SUMF1: variants seen among roughly 807,000 people sequenced by gnomAD.
The protein encoded by SUMF1 is sulfatase modifying factor 1, also known as formylglycine-generating enzyme.
Under a neutral mutation model 47.6 loss-of-function variants are expected in SUMF1, and 48 were observed. The ratio of observed to expected loss-of-function variants is 1.01; its 90% CI spans 0.80 to 1.28. The LOEUF is 1.28. Ranked by LOEUF, SUMF1 falls within the 50% of genes most tolerant of loss-of-function variation. The pLI, the probability that SUMF1 is intolerant of heterozygous loss-of-function variation, is 0.00. For synonymous variants in SUMF1, 230 were observed against 192.1 expected, an observed-to-expected ratio of 1.20 and a Z score of -1.63; for missense variants, 571 against 485.4, an observed-to-expected ratio of 1.18 and a Z score of -1.66.
Position 4,316,213 on chromosome 3 carries a change from C to G in SUMF1, c.1014+60117G>C, listed in dbSNP as rs1698638036. 3 of 695,546 alleles carry G rather than the reference C, an allele frequency of 4.3e-6. No homozygotes were observed. The South Asian group carries it at 4.6e-5, about 11-fold the overall frequency. The allele number at this position is 695,546 out of a possible 1,614,324, so 43.1% of individuals were successfully genotyped here. A position where few individuals can be genotyped will look rare whatever the true frequency, so the allele number is the denominator to read the frequency against. Reference sequence around the variant, plus strand: ...ACTTGCTGTTTATGTTTATTTTAGACTATGAAAATGATGTTAGACAAAAAG... The same window carrying G: ...ACTTGCTGTTTATGTTTATTTTAGAGTATGAAAATGATGTTAGACAAAAAG... On this transcript the variant is annotated intron_variant and NMD_transcript_variant, in intron 8 of 12. Transcript: ENST00000448413.
intron 7 of SUMF1, among the ~76,000 whole-genome samples, chr3:4,406,324 G>A (rs7639488): frequency 0.032 from 4,810 of 152,242 alleles, 127 homozygotes; most frequent in African/African-American, 0.074. Context: ...TGGCAGAGCT[G>A]TAATCCAAGT....
At chr3:4,146,711 A>T (rs1431543755) in intron 8 of SUMF1, among the ~76,000 whole-genome samples, 1 of 97,600 alleles carries the variant, frequency 1.0e-5, no homozygotes, top group Non-Finnish European at 2.0e-5. Context: ...AACAGGCCCC[A>T]GTGTGTGATG....
At chr3:4,450,174 G>A (rs1215943274) in intron 2 of SUMF1, among the ~76,000 whole-genome samples, 1 of 152,176 alleles carries the variant, frequency 6.6e-6, no homozygotes, top group Non-Finnish European at 1.5e-5. Context: ...CTAGGGTGAG[G>A]TCAAGGAGTC....
At chr3:4,320,581 G>A (rs1484678435) in intron 8 of SUMF1, among the ~76,000 whole-genome samples, 1 of 152,136 alleles carries the variant, frequency 6.6e-6, no homozygotes, top group Non-Finnish European at 1.5e-5. Flanking sequence ...AGTTATGAGA[G>A]GAAAAGGAGA....
intron 8 of SUMF1, among the ~76,000 whole-genome samples, chr3:4,271,548 C>A (rs1031797513): frequency 6.6e-6 from 1 of 152,054 alleles, no homozygotes; most frequent in African/African-American, 2.4e-5. Context: ...ATTGCCCAGG[C>A]TGGAATGCAG....
chr3:4,214,723 G>A (rs1695878996), intron 8 of SUMF1, among the ~76,000 whole-genome samples: 1 of 152,180 alleles, frequency 6.6e-6, no homozygotes, highest in South Asian at 2.1e-4. Flanking sequence ...TATTACCACT[G>A]ATCCCACAGA....
chr3:4,036,540 G>A (rs1018393159), intron 9 of SUMF1, among the ~76,000 whole-genome samples: 4 of 151,576 alleles, frequency 2.6e-5, no homozygotes, highest in Non-Finnish European at 5.9e-5. Flanking sequence ...AGGCCTGAGT[G>A]AAGGCTGCTG....
chr3:4,253,570 G>T (rs1417376911), intron 8 of SUMF1, among the ~76,000 whole-genome samples: 2 of 146,904 alleles, frequency 1.4e-5, no homozygotes, highest in African/African-American at 5.5e-5. Context: ...AAAAAACGGC[G>T]CACCATGAGA....
At chr3:4,266,615 A>G (rs1367059613) in intron 8 of SUMF1, among the ~76,000 whole-genome samples, 4 of 151,808 alleles carry the variant, frequency 2.6e-5, no homozygotes, top group Non-Finnish European at 2.9e-5. Flanking sequence ...CAGCTTAAGG[A>G]GATTTTGGGC....
downstream of SUMF1, among the ~76,000 whole-genome samples, chr3:4,357,600 T>TATTC: frequency 6.7e-6 from 1 of 150,340 alleles, no homozygotes; most frequent in East Asian, 1.9e-4. Context: ...TTTATTTATT[T>TATTC]ATTTATTTAT....
intron 8 of SUMF1, among the ~76,000 whole-genome samples, chr3:4,224,973 C>T (rs1416733649): frequency 2.6e-5 from 4 of 152,104 alleles, no homozygotes; most frequent in Non-Finnish European, 5.9e-5. Flanking sequence ...TAAGCTAGTT[C>T]AAATTGGGTT....
intron 8 of SUMF1, among the ~76,000 whole-genome samples, chr3:4,206,466 C>T (rs1695655258): frequency 6.6e-6 from 1 of 152,110 alleles, no homozygotes; most frequent in Non-Finnish European, 1.5e-5. Flanking sequence ...TGAATTCTGC[C>T]CTTCACTGTT....
intron 8 of SUMF1, among the ~76,000 whole-genome samples, chr3:4,268,128 T>C (rs936868626): frequency 1.3e-5 from 2 of 152,116 alleles, no homozygotes; most frequent in African/African-American, 2.4e-5. Flanking sequence ...CAGTAAACTA[T>C]GTCAAGAACA....
downstream of SUMF1, among the ~76,000 whole-genome samples, chr3:4,356,381 G>A (rs1699617216): frequency 6.6e-6 from 1 of 152,180 alleles, no homozygotes; most frequent in African/African-American, 2.4e-5. Context: ...TGGCTCTGCT[G>A]AGATCACCGA....
intron 9 of SUMF1, among the ~76,000 whole-genome samples, chr3:4,047,488 A>G (rs1355640650): frequency 1.3e-5 from 2 of 152,106 alleles, no homozygotes; most frequent in Non-Finnish European, 2.9e-5. Context: ...TTAGAGCTCA[A>G]TACTTTCCAG....
chr3:4,427,471 A>G (rs1481221816), intron 3 of SUMF1, among the ~76,000 whole-genome samples: 1 of 152,232 alleles, frequency 6.6e-6, no homozygotes, highest in Non-Finnish European at 1.5e-5. Flanking sequence ...TACCCAACAC[A>G]AGTATGGAAA....
chr3:4,431,609 C>T (rs1702234880), intron 3 of SUMF1, among the ~76,000 whole-genome samples: 1 of 152,162 alleles, frequency 6.6e-6, no homozygotes, highest in Admixed American at 6.5e-5. Context: ...GGATGTGAGA[C>T]AAGAGCTTGG....
At chr3:4,281,518 CAAGGCCACACACTTAAT>C (rs2125046213) in intron 8 of SUMF1, among the ~76,000 whole-genome samples, 1 of 152,110 alleles carries the variant, frequency 6.6e-6, no homozygotes, top group South Asian at 2.1e-4. Context: ...AAGTTTAATC[CAAGGCCACACACTTAAT>C]AAGTAGCAGA....
At chr3:4,399,529 T>G (rs1048039154) in intron 7 of SUMF1, among the ~76,000 whole-genome samples, 34 of 152,156 alleles carry the variant, frequency 2.2e-4, no homozygotes, top group African/African-American at 8.0e-4. Flanking sequence ...CAGCCAAGAG[T>G]GATGAGACAG....
Sources: gnomAD v4.1 joint callset for allele counts (sites outside exome capture counted in the v4.1 genomes callset) on GRCh38, gnomAD v4.1.1 for gene constraint, MANE v1.5 for transcripts, NCBI Gene and HGNC (gene_info 2026-07-23, HGNC 2026-07-21) for gene names.